Variants in CDK19 observed in about 807,000 individuals in gnomAD.
CDK19 encodes the protein cyclin-dependent kinase 19.
In CDK19, 20 loss-of-function variants were observed where a neutral mutation model predicts 68.3. The observed-to-expected ratio is 0.29, with a 90% confidence interval of 0.21 to 0.43. The LOEUF (loss-of-function observed/expected upper bound fraction) is 0.43, where lower values mean the gene tolerates loss of function less well. Ranked by LOEUF, CDK19 falls within the 20% of genes least tolerant of loss-of-function variation. The probability of loss-of-function intolerance (pLI) is 1.00; values close to 1 mark genes in which losing one functional copy is unlikely to be tolerated. For synonymous variants in CDK19, 221 were observed against 222.8 expected, an observed-to-expected ratio of 0.99 and a Z score of 0.07; for missense variants, 339 against 623.5, an observed-to-expected ratio of 0.54 and a Z score of 4.86.
chr6:110,644,279 G>A (rs1476222287), intron 4 of CDK19, among the ~76,000 whole-genome samples: 1 of 146,310 alleles, frequency 6.8e-6, no homozygotes, highest in African/African-American at 2.7e-5. Context: ...GTGACAGAGC[G>A]AGACTTCATC....
At chr6:110,693,081 G>A (rs572480484) in intron 2 of CDK19, among the ~76,000 whole-genome samples, 17 of 152,218 alleles carry the variant, frequency 1.1e-4, no homozygotes, top group Non-Finnish European at 1.5e-4. Flanking sequence ...GAGCAAAAGC[G>A]TTAAAATCTG....
In CDK19 at chr6:110,621,077, T is replaced by C. The variant is rs1188994956; in HGVS notation, c.1377+27A>G. 6.3e-7 allele frequency: 1 copy of C among 1,593,972 alleles called. No homozygotes were observed. The highest frequency in any genetic ancestry group is 8.5e-7 in the Non-Finnish European group (1 of 1,169,884). ...AATCTTTTCCCCACTTCATAAAGCATATGAACATTAGACATTCAGGGAGTA... is the reference window on the plus strand; with the variant it reads ...AATCTTTTCCCCACTTCATAAAGCACATGAACATTAGACATTCAGGGAGTA... On this transcript the variant is annotated intron_variant, in intron 12 of 12. Transcript: ENST00000368911. The surrounding 1 kb of genome is among the most constrained non-coding windows in gnomAD (Gnocchi z 5.4).
At chr6:110,636,657 C>A (rs58367781) in intron 5 of CDK19, among the ~76,000 whole-genome samples, 2,918 of 152,000 alleles carry the variant, frequency 0.019, 102 homozygotes, top group African/African-American at 0.067. Context: ...GAATTAGAGG[C>A]CAGGTTATAA....
chr6:110,764,638 T>C (rs754103368), intron 1 of CDK19, among the ~76,000 whole-genome samples: 5 of 152,184 alleles, frequency 3.3e-5, no homozygotes, highest in African/African-American at 4.8e-5. Flanking sequence ...TGACTTAATA[T>C]AAAATGGAAA....
At chr6:110,713,168 G>A (rs1189053488) in intron 2 of CDK19, among the ~76,000 whole-genome samples, 5 of 147,564 alleles carry the variant, frequency 3.4e-5, no homozygotes, top group Non-Finnish European at 7.4e-5. Flanking sequence ...CTGCACTCCA[G>A]CCTGATGACA....
At chr6:110,658,949 G>T (rs776477829) in intron 4 of CDK19, among the ~76,000 whole-genome samples, 1 of 152,194 alleles carries the variant, frequency 6.6e-6, no homozygotes, top group South Asian at 2.1e-4. Flanking sequence ...GGAACTGAGG[G>T]TCAACAACCA....
chr6:110,807,347 C>T (rs1458110545), intron 1 of CDK19, among the ~76,000 whole-genome samples: 2 of 152,148 alleles, frequency 1.3e-5, no homozygotes, highest in Non-Finnish European at 2.9e-5. Flanking sequence ...AGTTAACACA[C>T]ATGCACATAC....
intron 2 of CDK19, among the ~76,000 whole-genome samples, chr6:110,681,301 G>A (rs891602127): frequency 8.6e-5 from 13 of 151,992 alleles, no homozygotes; most frequent in Non-Finnish European, 1.0e-4. Flanking sequence ...AGCCAAGATC[G>A]CACCACTGCA....
At chr6:110,760,201 G>C (rs1341993388) in intron 1 of CDK19, among the ~76,000 whole-genome samples, 1 of 151,852 alleles carries the variant, frequency 6.6e-6, no homozygotes, top group Non-Finnish European at 1.5e-5. Flanking sequence ...TTCGAGACTA[G>C]CCTGGCCAAC....
At chr6:110,658,866 G>T (rs1235600365) in intron 4 of CDK19, among the ~76,000 whole-genome samples, 3 of 152,182 alleles carry the variant, frequency 2.0e-5, no homozygotes, top group Non-Finnish European at 4.4e-5. Flanking sequence ...GATCAAGAAA[G>T]AATGTACAGA....
At chr6:110,766,887 C>A (rs995630037) in intron 1 of CDK19, among the ~76,000 whole-genome samples, 20 of 152,034 alleles carry the variant, frequency 1.3e-4, no homozygotes, top group Non-Finnish European at 1.8e-4. Context: ...GTAATCACAG[C>A]ACTTTGGGAG....
intron 1 of CDK19, among the ~76,000 whole-genome samples, chr6:110,758,464 T>A (rs1318888682): frequency 6.6e-6 from 1 of 152,166 alleles, no homozygotes; most frequent in Non-Finnish European, 1.5e-5. Context: ...TTGATTCATC[T>A]CCCTTACCCC....
chr6:110,764,027 T>C (rs926597963), intron 1 of CDK19, among the ~76,000 whole-genome samples: 2 of 152,016 alleles, frequency 1.3e-5, no homozygotes, highest in Non-Finnish European at 2.9e-5. Flanking sequence ...AAAGAAATAT[T>C]AGGTATAAAT....
chr6:110,739,545 C>T (rs1360683729), intron 2 of CDK19, among the ~76,000 whole-genome samples: 1 of 152,128 alleles, frequency 6.6e-6, no homozygotes, highest in African/African-American at 2.4e-5. Context: ...CTAATTTTCC[C>T]TTCAGCCACT....
At chr6:110,765,642 C>T (rs1779531772) in intron 1 of CDK19, among the ~76,000 whole-genome samples, 1 of 149,080 alleles carries the variant, frequency 6.7e-6, no homozygotes, top group Admixed American at 6.7e-5. Flanking sequence ...GATCACACCA[C>T]TGCACTCCAG....
chr6:110,650,736 A>G (rs1048235938), intron 4 of CDK19, among the ~76,000 whole-genome samples: 1 of 152,168 alleles, frequency 6.6e-6, no homozygotes, highest in Admixed American at 6.6e-5. Flanking sequence ...TCTGGAGACA[A>G]GACTAAGGAG....
At chr6:110,736,309 C>G (rs942452131) in intron 2 of CDK19, among the ~76,000 whole-genome samples, 1 of 152,142 alleles carries the variant, frequency 6.6e-6, no homozygotes, top group Non-Finnish European at 1.5e-5. Flanking sequence ...CCATTGCACT[C>G]CAGCCTGGGC....
At chr6:110,767,432 A>T (rs1425638770) in intron 1 of CDK19, among the ~76,000 whole-genome samples, 5 of 146,714 alleles carry the variant, frequency 3.4e-5, no homozygotes, top group African/African-American at 5.0e-5. Context: ...AGCCTGGCCA[A>T]AAACCTCCGC....
chr6:110,754,328 T>C (rs1238611021), intron 1 of CDK19, among the ~76,000 whole-genome samples: 1 of 152,156 alleles, frequency 6.6e-6, no homozygotes, highest in African/African-American at 2.4e-5. Context: ...ACATCGCACC[T>C]GGCCTAAAAA....
Sources: allele counts gnomAD v4.1 joint callset (sites outside exome capture counted in the v4.1 genomes callset), GRCh38; gene constraint gnomAD v4.1.1; non-coding constraint Gnocchi (gnomAD v3.1); transcripts MANE v1.5; gene names NCBI Gene and HGNC (gene_info 2026-07-23, HGNC 2026-07-21).